The following BCAS3 variants were observed in gnomAD, a reference collection of about 807,000 sequenced individuals.
BCAS3 encodes the protein BCAS4/BCAS3 fusion.
Under a neutral mutation model 116.1 loss-of-function variants are expected in BCAS3, and 53 were observed. The observed-to-expected ratio is 0.46, with a 90% confidence interval of 0.37 to 0.57. The LOEUF (loss-of-function observed/expected upper bound fraction) is 0.57, where lower values mean the gene tolerates loss of function less well. Ranked by LOEUF, BCAS3 falls within the 20% of genes least tolerant of loss-of-function variation. BCAS3 has a pLI of 0.00. For missense variants in BCAS3, 917 were observed against 1,165.4 expected (o/e 0.79, Z 3.10); for synonymous variants, 391 against 408.2 (o/e 0.96, Z 0.51).
At chr17:61,174,774 C>T (rs2079044703) in intron 22 of BCAS3, among the ~76,000 whole-genome samples, 1 of 152,154 alleles carries the variant, frequency 6.6e-6, no homozygotes, top group African/African-American at 2.4e-5. Context: ...AGATTCTCTT[C>T]CCTGCTTCCC....
chr17:61,341,271 AAG>A (rs1331325561), intron 22 of BCAS3, among the ~76,000 whole-genome samples: 1 of 152,148 alleles, frequency 6.6e-6, no homozygotes, highest in Non-Finnish European at 1.5e-5. Flanking sequence ...GAGGAGCAAA[AAG>A]AACATCAGCT....
intron 22 of BCAS3, among the ~76,000 whole-genome samples, chr17:61,234,737 TC>T (rs1188810846): frequency 6.7e-6 from 1 of 150,100 alleles, no homozygotes; most frequent in East Asian, 1.9e-4. Flanking sequence ...CCAGCAGTCT[TC>T]CCACTGACTG....
chr17:60,840,048 A>G (rs1345244809), intron 7 of BCAS3, among the ~76,000 whole-genome samples: 2 of 152,156 alleles, frequency 1.3e-5, no homozygotes, highest in Non-Finnish European at 2.9e-5. Flanking sequence ...TTGCATTAAA[A>G]AAAAAACCCT....
At chr17:61,345,600 T>C (rs56360143) in intron 22 of BCAS3, among the ~76,000 whole-genome samples, 4,104 of 152,280 alleles carry the variant, frequency 0.027, 191 homozygotes, top group African/African-American at 0.094. Context: ...TGACACAGCA[T>C]GTGCGTTTTG....
intron 22 of BCAS3, among the ~76,000 whole-genome samples, chr17:61,191,235 C>T (rs891194852): frequency 2.0e-5 from 3 of 152,174 alleles, no homozygotes; most frequent in Non-Finnish European, 4.4e-5. Context: ...CACTGCACTC[C>T]AACCTGGGTG....
chr17:61,062,392 C>A (rs2143315707), intron 19 of BCAS3, among the ~76,000 whole-genome samples: 1 of 152,178 alleles, frequency 6.6e-6, no homozygotes, highest in African/African-American at 2.4e-5. Context: ...ATTATATAAC[C>A]CATGATAAGA....
chr17:61,214,968 T>C lies in BCAS3; in HGVS notation c.2425+130404T>C, dbSNP rs908573658. Among the ~76,000 whole-genome samples the C allele has an allele frequency of 6.6e-6, 1 of 152,162 alleles. No individual in the cohort carries two copies. The highest frequency in any genetic ancestry group is 2.4e-5 in the African/African-American group (1 of 41,444). ...TTGGTTTACCCTCAAGAAAAAGAAA[T>C]ACAGCCTCTATATACCTCTTACACC... On this transcript the variant is annotated intron_variant, in intron 22 of 23. Transcript: ENST00000407086. This position sits in a 1 kb window ranked among gnomAD's most constrained non-coding sequence, Gnocchi z 4.4.
chr17:60,893,405 A>T (rs2057305698), intron 10 of BCAS3, among the ~76,000 whole-genome samples: 2 of 151,782 alleles, frequency 1.3e-5, no homozygotes, highest in African/African-American at 2.4e-5. Context: ...ATCTGAGTTA[A>T]TTTTTGTATA....
intron 5 of BCAS3, among the ~76,000 whole-genome samples, chr17:60,731,697 T>A (rs938852158): frequency 2.0e-5 from 3 of 152,108 alleles, no homozygotes; most frequent in African/African-American, 4.8e-5. Context: ...TTAATAGGCT[T>A]TATTTATTTG....
At position 61,273,531 on chromosome 17, in the gene BCAS3, C is replaced by G. The variant is rs192201561; in HGVS notation, c.2426-94796C>G. On this transcript the variant is annotated intron_variant, in intron 22 of 23. Transcript: ENST00000407086. Reference sequence around the variant, plus strand: ...TTCTCACCATTTTGATGATGATGTGCTCTGGATTGCTTTTATTTATGTATA... The same window carrying G: ...TTCTCACCATTTTGATGATGATGTGGTCTGGATTGCTTTTATTTATGTATA... Among the ~76,000 whole-genome samples the G allele has an allele frequency of 2.4e-4, 36 of 152,138 alleles. 1 individual carries two copies. The highest frequency in any genetic ancestry group is 1.3e-3 in the East Asian group (7 of 5,186).
intron 14 of BCAS3, among the ~76,000 whole-genome samples, chr17:60,983,488 A>G (rs1164870807): frequency 6.6e-6 from 1 of 152,160 alleles, no homozygotes; most frequent in Non-Finnish European, 1.5e-5. Flanking sequence ...GACAGCTAGT[A>G]TCTTTAGCAG....
intron 9 of BCAS3, among the ~76,000 whole-genome samples, chr17:60,879,469 A>G (rs976032913): frequency 6.6e-6 from 1 of 152,232 alleles, no homozygotes; most frequent in African/African-American, 2.4e-5. Context: ...CGCATCCAAT[A>G]TGATGAGAAA....
chr17:61,353,204 T>C (rs1252817228), intron 22 of BCAS3, among the ~76,000 whole-genome samples: 1 of 152,140 alleles, frequency 6.6e-6, no homozygotes, highest in Non-Finnish European at 1.5e-5. Flanking sequence ...CTCCATTTCC[T>C]TGTGTTTAAA....
At chr17:60,800,018 C>A (rs28784709) in intron 6 of BCAS3, among the ~76,000 whole-genome samples, 2 of 151,826 alleles carry the variant, frequency 1.3e-5, no homozygotes, top group East Asian at 1.9e-4. Flanking sequence ...TTGACTCTTA[C>A]ATCTAAACCT....
At chr17:60,685,754 T>G (rs1389122771) in intron 3 of BCAS3, among the ~76,000 whole-genome samples, 1 of 152,144 alleles carries the variant, frequency 6.6e-6, no homozygotes, top group Non-Finnish European at 1.5e-5. Context: ...GTCGAAATAA[T>G]CAGATGAGCC....
At chr17:60,780,034 G>A (rs2045660162) in intron 6 of BCAS3, among the ~76,000 whole-genome samples, 1 of 149,660 alleles carries the variant, frequency 6.7e-6, no homozygotes, top group Non-Finnish European at 1.5e-5. Context: ...CTGTTGCCTA[G>A]GCTGGAGTGC....
chr17:60,701,893 G>A (rs1329029970), intron 4 of BCAS3, among the ~76,000 whole-genome samples: 1 of 149,132 alleles, frequency 6.7e-6, no homozygotes, highest in African/African-American at 2.6e-5. Flanking sequence ...AGATGCGCTA[G>A]AGCCCAGGAG....
intron 4 of BCAS3, among the ~76,000 whole-genome samples, chr17:60,704,944 G>C (rs956543385): frequency 1.3e-5 from 2 of 151,988 alleles, no homozygotes; most frequent in African/African-American, 4.8e-5. Flanking sequence ...CCCCAGACAC[G>C]GTGTCTCTAT....
chr17:60,727,210 T>C, intron 5 of BCAS3: 1 of 930,428 alleles, frequency 1.1e-6, no homozygotes, highest in Non-Finnish European at 1.8e-6. Flanking sequence ...CTCCTCCCGG[T>C]TCAAAATGCT....
Sources: gnomAD v4.1 joint callset for allele counts (sites outside exome capture counted in the v4.1 genomes callset) on GRCh38, gnomAD v4.1.1 for gene constraint, Gnocchi (gnomAD v3.1) non-coding constraint, MANE v1.5 for transcripts, NCBI Gene and HGNC (gene_info 2026-07-23, HGNC 2026-07-21) for gene names.